The following VAT1L variants were observed in gnomAD, a reference collection of about 807,000 sequenced individuals.
VAT1L encodes vesicle amine transport 1 like.
In VAT1L, 34 loss-of-function variants were observed where a neutral mutation model predicts 44.1. The ratio of observed to expected loss-of-function variants is 0.77; its 90% CI spans 0.59 to 1.03. VAT1L has a LOEUF of 1.03. Among genes scored for constraint, VAT1L ranks in the 50% least tolerant of loss-of-function variants. VAT1L has a pLI of 0.00. For missense variants in VAT1L, 615 were observed against 538.8 expected, an observed-to-expected ratio of 1.14 and a Z score of -1.40; for synonymous variants, 253 against 202.2, an observed-to-expected ratio of 1.25 and a Z score of -2.13.
chr16:77,908,860 A>G (rs1031132800), intron 7 of VAT1L, among the ~76,000 whole-genome samples: 4 of 151,570 alleles, frequency 2.6e-5, no homozygotes, highest in Admixed American at 1.3e-4. Flanking sequence ...CTTGCAGTGA[A>G]CCGAGATGGC....
At chr16:77,855,201 A>T (rs972523120) in intron 3 of VAT1L, among the ~76,000 whole-genome samples, 4 of 152,066 alleles carry the variant, frequency 2.6e-5, no homozygotes, top group Non-Finnish European at 5.9e-5. Context: ...TTAGCTGGGC[A>T]TGGTGCCACG....
chr16:77,929,296 G>T (rs1420228923), intron 7 of VAT1L, among the ~76,000 whole-genome samples: 1 of 152,102 alleles, frequency 6.6e-6, no homozygotes, highest in East Asian at 1.9e-4. Flanking sequence ...TTCCAGGCAG[G>T]GATCATTAGT....
At chr16:77,921,423 G>T (rs971309944) in intron 7 of VAT1L, among the ~76,000 whole-genome samples, 1 of 152,176 alleles carries the variant, frequency 6.6e-6, no homozygotes, top group Non-Finnish European at 1.5e-5. Context: ...GAGAACCCAT[G>T]GAAGAAATAC....
intron 4 of VAT1L, among the ~76,000 whole-genome samples, chr16:77,866,244 T>C (rs2016972825): frequency 6.6e-6 from 1 of 152,220 alleles, no homozygotes; most frequent in Admixed American, 6.5e-5. Flanking sequence ...GAGTGAATTA[T>C]AGCATTGTCT....
chr16:77,940,972 C>T (rs1208549420), intron 7 of VAT1L, among the ~76,000 whole-genome samples: 1 of 152,152 alleles, frequency 6.6e-6, no homozygotes, highest in African/African-American at 2.4e-5. Flanking sequence ...AGGGAGCAGG[C>T]TTCAAGTTCA....
chr16:77,930,699 C>G (rs1273181534), intron 7 of VAT1L, among the ~76,000 whole-genome samples: 1 of 152,094 alleles, frequency 6.6e-6, no homozygotes, highest in Non-Finnish European at 1.5e-5. Context: ...GTTAAGAAAA[C>G]CTTCAGTCTT....
rs146523587 is a variant in VAT1L, at chr16:77,977,734, A to T, written c.*39A>T. 263 of 1,593,522 alleles carry T rather than the reference A, an allele frequency of 1.7e-4. 2 individuals carry two copies. The East Asian group carries it at 5.3e-3, about 32-fold the overall frequency. ...TGGGAGAATGTGAAGGATGGTTTGG[A>T]AGATGAGGACCCGGCTGAGAAAACT... is the stretch of plus-strand genomic sequence containing the variant. On this transcript the variant is annotated 3_prime_UTR_variant, in exon 9 of 9. Transcript: ENST00000302536.
At chr16:77,857,512 C>T (rs900154373) in intron 3 of VAT1L, among the ~76,000 whole-genome samples, 1 of 151,854 alleles carries the variant, frequency 6.6e-6, no homozygotes, top group Non-Finnish European at 1.5e-5. Context: ...ACAGAAAGGC[C>T]GCAAGTAGAT....
At chr16:77,977,431 C>G (rs1227228562) in intron 8 of VAT1L, among the ~76,000 whole-genome samples, 166 bp from the exon 9 acceptor site, 1 of 152,214 alleles carries the variant, frequency 6.6e-6, no homozygotes, top group East Asian at 1.9e-4. Context: ...AGCACCGTCT[C>G]TCAGGGTGCC....
At chr16:77,817,844 C>T (rs192249217) in intron 2 of VAT1L, among the ~76,000 whole-genome samples, 1 of 152,224 alleles carries the variant, frequency 6.6e-6, no homozygotes, top group Admixed American at 6.5e-5. Flanking sequence ...AAAACCAATG[C>T]AAATCAGGTA....
intron 4 of VAT1L, among the ~76,000 whole-genome samples, chr16:77,874,219 G>A (rs1298375912): frequency 6.6e-6 from 1 of 152,142 alleles, no homozygotes; most frequent in African/African-American, 2.4e-5. Context: ...GGCAAGGGGA[G>A]AGGTCTTGGA....
chr16:77,808,320 C>T (rs757990180), intron 1 of VAT1L, among the ~76,000 whole-genome samples: 16 of 152,002 alleles, frequency 1.1e-4, no homozygotes, highest in African/African-American at 1.7e-4. Context: ...CAGATGGGAC[C>T]GTCGAGTTGT....
chr16:77,919,970 G>T (rs1450522367), intron 7 of VAT1L, among the ~76,000 whole-genome samples: 1 of 152,102 alleles, frequency 6.6e-6, no homozygotes, highest in Non-Finnish European at 1.5e-5. Flanking sequence ...TGTAATCCCA[G>T]CCTCTTGAGA....
intron 1 of VAT1L, chr16:77,801,396 G>A (rs147195688): frequency 2.9e-4 from 44 of 152,246 alleles, no homozygotes; most frequent in East Asian, 9.7e-4. Context: ...TGAAAAGAAC[G>A]TTCCGCAATA....
chr16:77,844,600 G>C (rs2016740519), intron 3 of VAT1L, among the ~76,000 whole-genome samples: 1 of 151,982 alleles, frequency 6.6e-6, no homozygotes. Context: ...TTAGAAACGA[G>C]GTTTCCCCAT....
At chr16:77,789,122 G>C (rs2015785458) in intron 1 of VAT1L, among the ~76,000 whole-genome samples, 1 of 152,144 alleles carries the variant, frequency 6.6e-6, no homozygotes, top group African/African-American at 2.4e-5. Flanking sequence ...TAGGGGTGAC[G>C]GGAGGAGAAT....
chr16:77,896,809 G>A (rs2017329568), intron 7 of VAT1L, among the ~76,000 whole-genome samples: 1 of 152,174 alleles, frequency 6.6e-6, no homozygotes, highest in Admixed American at 6.5e-5. Context: ...ATACATTCCT[G>A]TTACAAAGAA....
In VAT1L at chr16:77,840,968, C is replaced by G. The variant is rs534971195; in HGVS notation, c.579+15507C>G. On this transcript the variant is annotated intron_variant, in intron 3 of 8. Coordinates refer to ENST00000302536, the MANE Select transcript of VAT1L (RefSeq NM_020927.3). ...TAAACATGCTTGTTATACACTTTTT[C>G]ACTCCTCTTCATCTTAAGGGTTATG... Among the ~76,000 whole-genome samples the G allele has an allele frequency of 3.3e-5, 5 of 152,240 alleles. No individual in the cohort carries two copies. In the East Asian group the frequency reaches 9.6e-4, roughly 29 times the overall value.
intron 3 of VAT1L, among the ~76,000 whole-genome samples, chr16:77,847,454 G>A (rs1406909290): frequency 6.6e-6 from 1 of 152,094 alleles, no homozygotes; most frequent in Non-Finnish European, 1.5e-5. Context: ...CAAAACTTCG[G>A]CAAAGTGCAC....
Sources: allele counts gnomAD v4.1 joint callset (sites outside exome capture counted in the v4.1 genomes callset), GRCh38; gene constraint gnomAD v4.1.1; transcripts MANE v1.5; gene names NCBI Gene and HGNC (gene_info 2026-07-23, HGNC 2026-07-21).